Variants in VPS13B observed in about 807,000 individuals in gnomAD.
VPS13B encodes vacuolar protein sorting 13 homolog B.
VPS13B carries 285 observed loss-of-function variants against 426.4 expected under a neutral mutation model. The observed-to-expected ratio is 0.67, with a 90% confidence interval of 0.61 to 0.74. The LOEUF (loss-of-function observed/expected upper bound fraction) is 0.74. Ranked by LOEUF, VPS13B falls within the 30% of genes least tolerant of loss-of-function variation. The probability of loss-of-function intolerance (pLI) is 0.00; values close to 1 mark genes in which losing one functional copy is unlikely to be tolerated. For missense variants in VPS13B, 4,537 were observed against 4,782.6 expected, an observed-to-expected ratio of 0.95 and a Z score of 1.51; for synonymous variants, 1,676 against 1,676.4, an observed-to-expected ratio of 1.00 and a Z score of 0.01.
At chr8:99,028,500 C>T (rs1371397235) in intron 2 of VPS13B, among the ~76,000 whole-genome samples, 3 of 86,136 alleles carry the variant, frequency 3.5e-5, no homozygotes, top group African/African-American at 9.9e-5. Context: ...CTGGATGGGG[C>T]GGCTGGCCGG....
intron 30 of VPS13B, among the ~76,000 whole-genome samples, chr8:99,540,012 A>ATT: frequency 3.3e-5 from 2 of 60,370 alleles, no homozygotes; most frequent in African/African-American, 1.4e-4. Flanking sequence ...ATATAAATAA[A>ATT]TTATATATAT....
At chr8:99,796,135 G>A (rs1180160344) in intron 43 of VPS13B, among the ~76,000 whole-genome samples, 1 of 152,060 alleles carries the variant, frequency 6.6e-6, no homozygotes, top group African/African-American at 2.4e-5. Flanking sequence ...AATCCAAAAA[G>A]GATATTTAGG....
Position 99,051,304 on chromosome 8 carries a change from G to T in VPS13B, c.291+12738G>T, listed in dbSNP as rs192339007. ...AATAGGGAATCGTTTCCCCATTTCT[G>T]GTTTTTGTCAGGTCTGTCAAAGGTC... On this transcript the variant is annotated intron_variant, in intron 3 of 61. Transcript: ENST00000357162. Among the ~76,000 whole-genome samples the T allele has an allele frequency of 8.1e-3, 1,231 of 152,202 alleles. 14 individuals carry two copies. The highest frequency in any genetic ancestry group is 0.027 in the African/African-American group (1,115 of 41,496).
chr8:99,561,234 A>G (rs536453948), intron 31 of VPS13B, among the ~76,000 whole-genome samples: 1 of 152,276 alleles, frequency 6.6e-6, no homozygotes, highest in African/African-American at 2.4e-5. Flanking sequence ...CTGCCTCTAA[A>G]TTCACCAATC....
At chr8:99,181,696 T>G (rs1812955181) in intron 16 of VPS13B, among the ~76,000 whole-genome samples, 1 of 152,214 alleles carries the variant, frequency 6.6e-6, no homozygotes, top group Non-Finnish European at 1.5e-5. Flanking sequence ...TGAACATACA[T>G]TTATAAAATT....
At chr8:99,224,576 G>A (rs1005215612) in intron 17 of VPS13B, among the ~76,000 whole-genome samples, 1 of 152,068 alleles carries the variant, frequency 6.6e-6, no homozygotes, top group Non-Finnish European at 1.5e-5. Flanking sequence ...GATGGGATTT[G>A]ATGAGGAGAT....
At chr8:99,540,047 A>T (rs1240599320) in intron 30 of VPS13B, among the ~76,000 whole-genome samples, 3 of 4,398 alleles carry the variant, frequency 6.8e-4, no homozygotes, top group Non-Finnish European at 8.8e-4. Flanking sequence ...ATATATATAT[A>T]TATATATATA....
chr8:99,663,795 C>A (rs777422641), intron 35 of VPS13B, among the ~76,000 whole-genome samples: 1 of 152,122 alleles, frequency 6.6e-6, no homozygotes, highest in Non-Finnish European at 1.5e-5. Flanking sequence ...TTTTTAGGCA[C>A]ACTTTGCTCA....
intron 60 of VPS13B, 53 bp from the exon 61 acceptor site, chr8:99,871,395 G>A (rs910896188): frequency 6.2e-7 from 1 of 1,612,974 alleles, no homozygotes; most frequent in Non-Finnish European, 8.5e-7. Flanking sequence ...GCACTGATAA[G>A]TGACCATCTT....
At chr8:99,669,657 T>C (rs1408661104) in intron 35 of VPS13B, among the ~76,000 whole-genome samples, 2 of 152,176 alleles carry the variant, frequency 1.3e-5, no homozygotes, top group Non-Finnish European at 2.9e-5. Context: ...TTTCTCCTAA[T>C]AGAATCACTT....
At chr8:99,142,465 G>A (rs1810481399) in intron 12 of VPS13B, among the ~76,000 whole-genome samples, 2 of 152,192 alleles carry the variant, frequency 1.3e-5, no homozygotes, top group South Asian at 4.1e-4. Flanking sequence ...ATGGAACATC[G>A]CTATAATGAA....
At chr8:99,348,622 T>C (rs1351190770) in intron 19 of VPS13B, among the ~76,000 whole-genome samples, 1 of 152,200 alleles carries the variant, frequency 6.6e-6, no homozygotes, top group Admixed American at 6.5e-5. Context: ...AGTGTTGACA[T>C]TAACATTTTA....
chr8:99,637,032 C>T (rs1259128214), intron 33 of VPS13B, among the ~76,000 whole-genome samples: 1 of 152,004 alleles, frequency 6.6e-6, no homozygotes, highest in African/African-American at 2.4e-5. Context: ...CCCAGAGATA[C>T]ATGTTTCTGC....
chr8:99,130,110 A>G (rs917003002), intron 8 of VPS13B, among the ~76,000 whole-genome samples: 3 of 152,206 alleles, frequency 2.0e-5, no homozygotes, highest in Admixed American at 6.5e-5. Context: ...GTCAATAGTT[A>G]ATATATCTTT....
intron 33 of VPS13B, among the ~76,000 whole-genome samples, chr8:99,620,565 C>G (rs759026000): frequency 6.6e-6 from 1 of 152,022 alleles, no homozygotes; most frequent in Non-Finnish European, 1.5e-5. Flanking sequence ...ATGTATGTGC[C>G]AAAGGCTCTG....
intron 33 of VPS13B, among the ~76,000 whole-genome samples, chr8:99,586,389 A>G (rs1826301201): frequency 6.6e-6 from 1 of 152,092 alleles, no homozygotes; most frequent in Non-Finnish European, 1.5e-5. Flanking sequence ...GTCTATATCT[A>G]TGCACTTAAC....
chr8:99,104,154 C>G (rs1846917262), intron 5 of VPS13B, among the ~76,000 whole-genome samples: 1 of 152,112 alleles, frequency 6.6e-6, no homozygotes, highest in Admixed American at 6.5e-5. Context: ...ATGGTATTGG[C>G]TATTATTGCT....
chr8:99,472,305 T>C (rs1309384184), intron 24 of VPS13B, among the ~76,000 whole-genome samples: 5 of 152,066 alleles, frequency 3.3e-5, no homozygotes, highest in Non-Finnish European at 4.4e-5. Flanking sequence ...CCGTAGAATG[T>C]GCTTTTTTAC....
intron 39 of VPS13B, among the ~76,000 whole-genome samples, chr8:99,744,286 C>T (rs1004722653): frequency 2.2e-4 from 34 of 152,214 alleles, no homozygotes; most frequent in Non-Finnish European, 4.4e-4. Context: ...CTCACACCAG[C>T]TAGAATGGTG....
Sources: gnomAD v4.1 joint callset for allele counts (sites outside exome capture counted in the v4.1 genomes callset) on GRCh38, gnomAD v4.1.1 for gene constraint, MANE v1.5 for transcripts, NCBI Gene and HGNC (gene_info 2026-07-23, HGNC 2026-07-21) for gene names.